The following IL1RAPL1 variants were observed in gnomAD, a reference collection of about 807,000 sequenced individuals.
IL1RAPL1 encodes the protein interleukin 1 receptor accessory protein like 1, also known as interleukin-1 receptor accessory protein-like 1.
A neutral mutation model predicts 48.4 loss-of-function variants in IL1RAPL1; 3 were observed. That is an observed-to-expected ratio of 0.06 (90% CI 0.03 to 0.16). The LOEUF (loss-of-function observed/expected upper bound fraction) is 0.16, where lower values mean the gene tolerates loss of function less well. Among genes scored for constraint, IL1RAPL1 ranks in the 10% least tolerant of loss-of-function variants. IL1RAPL1 has a pLI of 1.00. For missense variants in IL1RAPL1, 349 were observed against 530.6 expected, an observed-to-expected ratio of 0.66 and a Z score of 3.36; for synonymous variants, 185 against 187.7, an observed-to-expected ratio of 0.99 and a Z score of 0.12.
At chrX:29,300,304 AAC>A in intron 3 of IL1RAPL1, among the ~76,000 whole-genome samples, 1 of 111,630 alleles carries the variant, frequency 9.0e-6, no homozygotes, top group Non-Finnish European at 1.9e-5. Flanking sequence ...TCCGGCACCT[AAC>A]ACAGTGCCCA....
At chrX:28,616,653 C>G (rs1355315921) in intron 1 of IL1RAPL1, among the ~76,000 whole-genome samples, 1 of 111,236 alleles carries the variant, frequency 9.0e-6, no homozygotes, top group Non-Finnish European at 1.9e-5. Context: ...AGGCTTGACT[C>G]AAACTCCTGA....
chrX:28,708,621 G>A (rs866830399), intron 1 of IL1RAPL1, among the ~76,000 whole-genome samples: 5 of 111,770 alleles, frequency 4.5e-5, no homozygotes, highest in Non-Finnish European at 9.4e-5. Context: ...ATACTATATT[G>A]TTCAGGTATA....
intron 1 of IL1RAPL1, among the ~76,000 whole-genome samples, chrX:28,686,217 C>A (rs1191756569): frequency 8.9e-6 from 1 of 112,034 alleles, no homozygotes; most frequent in African/African-American, 3.2e-5. Context: ...AAACAAAACA[C>A]ATCATCAGGG....
intron 5 of IL1RAPL1, among the ~76,000 whole-genome samples, chrX:29,546,650 C>T: frequency 1.8e-5 from 2 of 111,467 alleles, no homozygotes. Context: ...ATTCCCCTGA[C>T]CGCATGTCAT....
At position 29,943,515 on chromosome X, in the gene IL1RAPL1, C is replaced by T. The variant is rs751771535; in HGVS notation, c.1201+1721C>T. The stretch of plus-strand genomic sequence containing the variant: ...TCTATTCCCAAAGCCTTTATCTTAT[C>T]GGATACTCTCTATTATTTGTATTTT... On this transcript the variant is annotated intron_variant, in intron 9 of 10. Transcript: ENST00000378993. 3.6e-5 allele frequency among the ~76,000 whole-genome samples: 4 copies of T among 112,024 alleles called. No individual in the cohort carries two copies. The South Asian group carries it at 1.5e-3, about 42-fold the overall frequency.
chrX:29,083,701 C>A (rs1296172068), intron 2 of IL1RAPL1, among the ~76,000 whole-genome samples: 1 of 111,589 alleles, frequency 9.0e-6, no homozygotes, highest in Non-Finnish European at 1.9e-5. Flanking sequence ...TCCTAATAGT[C>A]TTAATGAATA....
At chrX:29,399,076 TTTTG>T in intron 4 of IL1RAPL1, 75 bp from the exon 5 acceptor site, 2 of 801,738 alleles carry the variant, frequency 2.5e-6, no homozygotes, top group South Asian at 4.6e-5. Context: ...TTTTAGAAGC[TTTTG>T]TTTTAGTTAT....
intron 1 of IL1RAPL1, among the ~76,000 whole-genome samples, chrX:28,641,687 A>C (rs757727526): frequency 1.8e-5 from 2 of 111,641 alleles, no homozygotes; most frequent in Admixed American, 9.5e-5. Context: ...TCCCACCAAC[A>C]GTGTAAAAGC....
intron 2 of IL1RAPL1, among the ~76,000 whole-genome samples, chrX:28,838,764 T>G (rs2147290741): frequency 9.0e-6 from 1 of 110,936 alleles, no homozygotes; most frequent in Non-Finnish European, 1.9e-5. Context: ...GCTGTTATAA[T>G]CAGTATTTAA....
intron 2 of IL1RAPL1, among the ~76,000 whole-genome samples, chrX:28,993,798 C>T (rs1477709416): frequency 8.9e-6 from 1 of 111,791 alleles, no homozygotes. Context: ...ATATTTTTCC[C>T]GATTTTTTAG....
chrX:29,042,730 T>C (rs1005161160), intron 2 of IL1RAPL1, among the ~76,000 whole-genome samples: 1 of 111,800 alleles, frequency 8.9e-6, no homozygotes, highest in Non-Finnish European at 1.9e-5. Context: ...AAAATGGACA[T>C]TTCTCTGCAG....
chrX:29,059,570 A>G (rs1005190055), intron 2 of IL1RAPL1, among the ~76,000 whole-genome samples: 2 of 111,667 alleles, frequency 1.8e-5, no homozygotes, highest in African/African-American at 6.5e-5. Context: ...GGGGAATGAC[A>G]AAAAAAGCTT....
chrX:29,518,475 G>A (rs765826049), intron 5 of IL1RAPL1, among the ~76,000 whole-genome samples: 5 of 110,788 alleles, frequency 4.5e-5, no homozygotes, highest in African/African-American at 9.9e-5. Context: ...GAGAGAAACT[G>A]GCTGCACTTT....
chrX:29,073,791 A>G (rs758185303), intron 2 of IL1RAPL1, among the ~76,000 whole-genome samples: 2 of 111,230 alleles, frequency 1.8e-5, no homozygotes, highest in Admixed American at 9.6e-5. Context: ...TTATTTTTTT[A>G]AAAATAATCT....
At chrX:29,620,681 T>C (rs775943466) in intron 5 of IL1RAPL1, among the ~76,000 whole-genome samples, 3 of 112,282 alleles carry the variant, frequency 2.7e-5, no homozygotes, top group Non-Finnish European at 5.6e-5. Flanking sequence ...GGGCCGCCAT[T>C]ACTTGTAGAA....
intron 5 of IL1RAPL1, among the ~76,000 whole-genome samples, chrX:29,412,308 GAGA>G (rs1934154729): frequency 1.2e-5 from 1 of 85,207 alleles, no homozygotes; most frequent in Non-Finnish European, 2.6e-5. Flanking sequence ...TAGTTAGTTA[GAGA>G]AAAAAAATAT....
intron 2 of IL1RAPL1, among the ~76,000 whole-genome samples, chrX:28,827,201 C>A (rs181529348): frequency 0.015 from 1,637 of 111,052 alleles, 30 homozygotes; most frequent in African/African-American, 0.051. Flanking sequence ...TCTTCAGCTA[C>A]ATATTTTTAT....
intron 3 of IL1RAPL1, among the ~76,000 whole-genome samples, chrX:29,395,688 C>T (rs1933911761): frequency 9.0e-6 from 1 of 111,723 alleles, no homozygotes. Context: ...AAGATAGTAA[C>T]TTTGCAATAC....
intron 1 of IL1RAPL1, among the ~76,000 whole-genome samples, chrX:28,717,743 C>CT (rs113225602): frequency 9.0e-6 from 1 of 110,912 alleles, no homozygotes; most frequent in South Asian, 3.8e-4. Context: ...GACTGGAGGA[C>CT]TTTTTTTGAG....
Sources: gnomAD v4.1 joint callset for allele counts (sites outside exome capture counted in the v4.1 genomes callset) on GRCh38, gnomAD v4.1.1 for gene constraint, MANE v1.5 for transcripts, NCBI Gene and HGNC (gene_info 2026-07-23, HGNC 2026-07-21) for gene names.